GNPDA2: variants seen among roughly 807,000 people sequenced by gnomAD.
GNPDA2 encodes the protein glcN6P deaminase 2.
Under a neutral mutation model 27.0 loss-of-function variants are expected in GNPDA2, and 24 were observed. The observed-to-expected ratio is 0.89, with a 90% CI of 0.64 to 1.25. The LOEUF is 1.25. GNPDA2 is among the 50% of genes most tolerant of loss of function. The pLI is 0.00. For missense variants in GNPDA2, 286 were observed against 335.1 expected (o/e 0.85, Z 1.14); for synonymous variants, 94 against 108.4 (o/e 0.87, Z 0.83).
rs1717943339 is a variant in GNPDA2 at position 44,725,342 on chromosome 4, A to G, written c.-36+1132T>C. Among the ~76,000 whole-genome samples the G allele has an allele frequency of 3.9e-5, 6 of 152,316 alleles. No homozygotes were observed. The South Asian group carries it at 1.2e-3, about 32-fold the overall frequency. On this transcript the variant is annotated intron_variant, in intron 1 of 6. Coordinates refer to ENST00000295448, the MANE Select transcript of GNPDA2 (RefSeq NM_138335.3). ...AAAACTAAGTGTTTCTGACTCAAAG[A>G]GACATTAGCCAAAGATGTCTTACCG...
In GNPDA2 at chr4:44,702,773, T is replaced by TG. The variant is rs11396064; in HGVS notation, c.*307dup. ...GAGTCATATCACAAATGGTGCCTGA[T>TG]GTGGACACTCTACCTTTAAAATGAC... is the stretch of plus-strand genomic sequence containing the variant. On this transcript the variant is annotated 3_prime_UTR_variant, in exon 7 of 7. Transcript: ENST00000295448. 0.15 allele frequency: 177,199 copies of TG among 1,179,092 alleles called. 15,071 individuals are homozygous for TG. Among genetic ancestry groups the TG allele is most frequent in the East Asian group, 0.38 (6,611 of 17,300 alleles). The allele number at this position is 1,179,092 out of a possible 1,614,324, so 73.0% of individuals were successfully genotyped here. A position where few individuals can be genotyped will look rare whatever the true frequency, so the allele number is the denominator to read the frequency against.
chr4:44,703,029 A>G lies in GNPDA2; in HGVS notation c.*52T>C. 6 of 1,601,140 alleles carry G rather than the reference A, an allele frequency of 3.7e-6. No individual in the cohort carries two copies. The highest frequency in any genetic ancestry group is 4.3e-6 in the Non-Finnish European group (5 of 1,176,408). On this transcript the variant is annotated 3_prime_UTR_variant, in exon 7 of 7. Coordinates refer to ENST00000295448, the MANE Select transcript of GNPDA2 (RefSeq NM_138335.3). ...TTGCATAGCTGAAAATTCATCTACT[A>G]CTTAGTAAAAAGTGCTCTGTTCATT...
intron 6 of GNPDA2, 85 bp downstream of exon 6, chr4:44,707,667 T>G: frequency 4.9e-4 from 581 of 1,180,448 alleles, no homozygotes; most frequent in Non-Finnish European, 6.5e-4. Context: ...GGTCACAGTG[T>G]GAGATTTAAC....
chr4:44,719,372 C>T (rs1447551968), intron 2 of GNPDA2, among the ~76,000 whole-genome samples: 1 of 151,754 alleles, frequency 6.6e-6, no homozygotes, highest in Non-Finnish European at 1.5e-5. Flanking sequence ...CAGTCTCTGA[C>T]AAAAACAAAT....
rs374432736 is a variant in GNPDA2, at chr4:44,708,649, TTTTC to T, written c.595-727_595-724del. On this transcript the variant is annotated intron_variant, in intron 5 of 6. Transcript: ENST00000295448. Reference sequence around the variant, plus strand: ...ATGTGAATGTGTATGTGTCGGAATCTTTTCTTTATCATGTTTAAGCTGGAAATTG... The same window carrying T: ...ATGTGAATGTGTATGTGTCGGAATCTTTTATCATGTTTAAGCTGGAAATTG... Among the ~76,000 whole-genome samples the T allele has an allele frequency of 5.1e-3, 774 of 152,196 alleles. 12 individuals carry two copies. Among genetic ancestry groups the T allele is most frequent in the Middle Eastern group, 0.014 (4 of 294 alleles).
At chr4:44,705,335 G>A in intron 6 of GNPDA2, 3 of 984,816 alleles carry the variant, frequency 3.0e-6, no homozygotes, top group Non-Finnish European at 3.6e-6. Context: ...GTAAAATGAG[G>A]CCCATATGTA....
chr4:44,726,277 G>A (rs1718018710), intron 1 of GNPDA2, among the ~76,000 whole-genome samples, 197 bp downstream of exon 1: 1 of 152,112 alleles, frequency 6.6e-6, no homozygotes, highest in South Asian at 2.1e-4. Context: ...GCACAAATCC[G>A]GAGAGGACAA....
At chr4:44,714,613 T>C in intron 4 of GNPDA2, 1 of 984,764 alleles carries the variant, frequency 1.0e-6, no homozygotes, top group South Asian at 4.7e-5. Flanking sequence ...AAAGCTGATA[T>C]TTTGATCCCA....
At chr4:44,713,918 T>A (rs917966217) in intron 4 of GNPDA2, among the ~76,000 whole-genome samples, 10 of 152,182 alleles carry the variant, frequency 6.6e-5, no homozygotes, top group Non-Finnish European at 1.2e-4. Context: ...TGCGTTAAGA[T>A]ATTTTAAAAG....
chr4:44,723,597 T>C (rs1717819068), intron 1 of GNPDA2, among the ~76,000 whole-genome samples: 2 of 152,164 alleles, frequency 1.3e-5, no homozygotes, highest in South Asian at 2.1e-4. Flanking sequence ...GCGGTGTATA[T>C]ATATACCACA....
chr4:44,724,469 G>A (rs1406356293), intron 1 of GNPDA2, among the ~76,000 whole-genome samples: 2 of 152,152 alleles, frequency 1.3e-5, no homozygotes, highest in African/African-American at 4.8e-5. Flanking sequence ...TTTTTCTACA[G>A]AAGTTGAACT....
chr4:44,704,062 A>C, intron 6 of GNPDA2: 1 of 985,258 alleles, frequency 1.0e-6, no homozygotes. Context: ...CTTGTCAGAA[A>C]GGCTGCAAAA....
chr4:44,719,816 AC>A (rs1717557634), intron 2 of GNPDA2, among the ~76,000 whole-genome samples: 1 of 152,102 alleles, frequency 6.6e-6, no homozygotes. Context: ...GGTTAAAGAA[AC>A]TTAATTTTTA....
At chr4:44,704,302 T>A (rs1262513049) in intron 6 of GNPDA2, 1 of 981,604 alleles carries the variant, frequency 1.0e-6, no homozygotes, top group African/African-American at 1.8e-5. Context: ...AAGGGTAATA[T>A]CAGCTGTATG....
intron 4 of GNPDA2, among the ~76,000 whole-genome samples, chr4:44,713,744 G>A (rs756332580): frequency 1.8e-4 from 27 of 151,854 alleles, no homozygotes; most frequent in Non-Finnish European, 3.5e-4. Flanking sequence ...GCCGGGCATG[G>A]CGGCAAGTGC....
intron 2 of GNPDA2, among the ~76,000 whole-genome samples, chr4:44,719,413 T>C (rs1717528916): frequency 6.6e-6 from 1 of 152,036 alleles, no homozygotes; most frequent in Admixed American, 6.6e-5. Context: ...GTAAAAAGAC[T>C]GCCTCTTGTT....
In GNPDA2 at chr4:44,715,895, G is replaced by A. The variant is rs541060150; in HGVS notation, c.409+1218C>T. Among the ~76,000 whole-genome samples the A allele has an allele frequency of 1.1e-4, 16 of 151,982 alleles. No homozygotes were observed. The South Asian group carries it at 2.7e-3, about 26-fold the overall frequency. On this transcript the variant is annotated intron_variant, in intron 4 of 6. Coordinates refer to ENST00000295448, the MANE Select transcript of GNPDA2 (RefSeq NM_138335.3). ...TCCTGGATGTCCCTAGAGGGAATTC[G>A]GTAAAAATCCCAAGGAATTCAGTAA...
chr4:44,705,078 A>G (rs1365569501), intron 6 of GNPDA2: 2 of 984,412 alleles, frequency 2.0e-6, no homozygotes, highest in Non-Finnish European at 2.4e-6. Context: ...GATCTAGTTA[A>G]CCTAGATCTT....
intron 4 of GNPDA2, among the ~76,000 whole-genome samples, chr4:44,716,519 T>TGC (rs80042206): frequency 6.6e-6 from 1 of 151,128 alleles, no homozygotes; most frequent in Non-Finnish European, 1.5e-5. Context: ...AGATTATATA[T>TGC]ACACACACAT....
Sources: allele counts gnomAD v4.1 joint callset (sites outside exome capture counted in the v4.1 genomes callset), GRCh38; gene constraint gnomAD v4.1.1; transcripts MANE v1.5; gene names NCBI Gene and HGNC (gene_info 2026-07-23, HGNC 2026-07-21).